The following RSRP1 variants were observed in gnomAD, a reference collection of about 807,000 sequenced individuals.
The protein encoded by RSRP1 is arginine and serine rich protein 1.
Under a neutral mutation model 33.0 loss-of-function variants are expected in RSRP1, and 37 were observed. That is an observed-to-expected ratio of 1.12 (90% CI 0.86 to 1.48). The LOEUF (loss-of-function observed/expected upper bound fraction) is 1.48, where lower values mean the gene tolerates loss of function less well. RSRP1 is among the 40% of genes most tolerant of loss of function. RSRP1 has a pLI of 0.00. For missense variants in RSRP1, 402 were observed against 385.3 expected (o/e 1.04, Z -0.36); for synonymous variants, 167 against 158.7 (o/e 1.05, Z -0.40).
chr1:25,312,712 T>C (rs1644211891), intron 1 of RSRP1, among the ~76,000 whole-genome samples: 1 of 125,892 alleles, frequency 7.9e-6, no homozygotes. Context: ...GTCGTGCCAC[T>C]GCATTCCAGC....
rs1196837034 is a variant in RSRP1, at chr1:25,314,674, A to T, written c.-67+23304T>A. Among the ~76,000 whole-genome samples, 3 of 130,722 alleles carry T rather than the reference A, an allele frequency of 2.3e-5. 1 individual carries two copies. Among genetic ancestry groups the T allele is most frequent in the Non-Finnish European group, 5.4e-5 (3 of 55,094 alleles). 85.8% of individuals were successfully genotyped at this position (130,722 alleles called of 152,430 possible). On this transcript the variant is annotated intron_variant, in intron 1 of 1. Transcript: ENST00000561867. ...ATGCCCAGCTAACTTCTGTATAGAC[A>T]AAATAATTTTTGGTAGAGACAGGGT...
rs192543340 is a variant in RSRP1 at position 25,274,639 on chromosome 1, G to T, written c.-66-27610C>A. 1.1e-3 allele frequency among the ~76,000 whole-genome samples: 151 copies of T among 133,414 alleles called. 23 individuals are homozygous for T. Among genetic ancestry groups the T allele is most frequent in the African/African-American group, 3.3e-3 (131 of 39,178 alleles). 87.5% of individuals were successfully genotyped at this position (133,414 alleles called of 152,430 possible). A position where few individuals can be genotyped will look rare whatever the true frequency, so the allele number is the denominator to read the frequency against. On this transcript the variant is annotated intron_variant, in intron 1 of 1. Coordinates refer to the RSRP1 transcript ENST00000561867. ...AGGGTCATCCAAGTGAGGGCACAGT[G>T]GGTGCCATGGCGTGCACACACAATA...
rs781312885 is a variant in RSRP1, at chr1:25,270,049, C to T, written c.-66-23020G>A. Among the ~76,000 whole-genome samples the T allele has an allele frequency of 3.4e-4, 45 of 131,932 alleles. 9 individuals are homozygous for T. The highest frequency in any genetic ancestry group is 1.8e-4 in the Non-Finnish European group (10 of 55,680). 86.6% of individuals were successfully genotyped at this position (131,932 alleles called of 152,430 possible). ...CCTGGTTTACAGAGCTTGTACTGGG[C>T]CCAGGTTAGCAGAGGTCACATCCAT... is the stretch of plus-strand genomic sequence containing the variant. On this transcript the variant is annotated intron_variant, in intron 1 of 1. Transcript: ENST00000561867.
intron 1 of RSRP1, among the ~76,000 whole-genome samples, chr1:25,259,601 C>G: frequency 6.6e-6 from 1 of 152,048 alleles, no homozygotes; most frequent in East Asian, 1.9e-4. Context: ...CTCCCAGGTT[C>G]AAGTGATTCT....
In RSRP1 at chr1:25,246,934, C is replaced by G. The variant is rs775469720; in HGVS notation, c.30G>C (p.Pro10=). The G allele has an allele frequency of 1.9e-6, 3 of 1,590,442 alleles. No homozygotes were observed. Among genetic ancestry groups the G allele is most frequent in the Non-Finnish European group, 2.6e-6 (3 of 1,165,198 alleles). Residue 10 remains proline (P), a synonymous_variant, in exon 2 of 5, where the codon CCG becomes CCC. Coordinates refer to ENST00000243189, the MANE Select transcript of RSRP1 (RefSeq NM_020317.5). ...GCGAATCCTTCTCCTGCGGCGAGCC[C>G]GGCCACATGTCGTTCACGTAGTTGG... MSNYVNDMW[P]GSPQEKDSPS...
chr1:25,297,978 C>T lies in RSRP1; in HGVS notation c.-67+40000G>A, dbSNP rs561473685. On this transcript the variant is annotated intron_variant, in intron 1 of 1. Coordinates refer to the RSRP1 transcript ENST00000561867. ...TCTTTTGGCTCTTATTCTCTCCGTA[C>T]ATCTAACATCTCTGTACACCAGCTT... Among the ~76,000 whole-genome samples the T allele has an allele frequency of 1.2e-3, 160 of 130,970 alleles. 29 individuals carry two copies. Among genetic ancestry groups the T allele is most frequent in the African/African-American group, 4.0e-3 (153 of 38,192 alleles). The allele number at this position is 130,970 out of a possible 152,430, so 85.9% of individuals were successfully genotyped here.
chr1:25,248,510 G>T (rs1391976223), upstream of RSRP1, among the ~76,000 whole-genome samples: 2 of 152,092 alleles, frequency 1.3e-5, no homozygotes, highest in African/African-American at 4.8e-5. Context: ...GGATCTAACT[G>T]TGTTGCCCAG....
rs1557541975 is a variant in RSRP1 at position 25,301,756 on chromosome 1, C to T, written c.-67+36222G>A. ...CTAGCACACATATTTATGCCCCTCCCCACCCCAGGGCCAGCGTGGGTTGGG... is the reference window on the plus strand; with the variant it reads ...CTAGCACACATATTTATGCCCCTCCTCACCCCAGGGCCAGCGTGGGTTGGG... On this transcript the variant is annotated intron_variant, in intron 1 of 1. Coordinates refer to the RSRP1 transcript ENST00000561867. 29 of 1,114,386 alleles carry T rather than the reference C, an allele frequency of 2.6e-5. 6 individuals carry two copies. The Middle Eastern group carries it at 8.9e-4, about 34-fold the overall frequency. 69.0% of individuals were successfully genotyped at this position (1,114,386 alleles called of 1,614,324 possible).
rs1372702086 is a variant in RSRP1, at chr1:25,330,702, C to G, written c.-67+7276G>C. Among the ~76,000 whole-genome samples the G allele has an allele frequency of 1.5e-5, 2 of 131,768 alleles. 1 individual carries two copies. Among genetic ancestry groups the G allele is most frequent in the Non-Finnish European group, 3.6e-5 (2 of 55,776 alleles). 86.4% of individuals were successfully genotyped at this position (131,768 alleles called of 152,430 possible). A position where few individuals can be genotyped will look rare whatever the true frequency, so the allele number is the denominator to read the frequency against. ...TCTTTCACATTCTAAGGTGGTTCCA[C>G]TCAGTGACTGAAATCCTTAAGCGTT... On this transcript the variant is annotated intron_variant, in intron 1 of 1. Transcript: ENST00000561867.
At chr1:25,262,157 A>G (rs1029110010) in intron 1 of RSRP1, among the ~76,000 whole-genome samples, 1 of 152,226 alleles carries the variant, frequency 6.6e-6, no homozygotes, top group African/African-American at 2.4e-5. Context: ...CCTGTTATTA[A>G]GTAATCTGTA....
rs112473736 is a variant in RSRP1, at chr1:25,290,554, A to AGAATGAATGAATGAAT, written c.-66-43541_-66-43526dup. The AGAATGAATGAATGAAT allele has an allele frequency of 2.6e-5, 29 of 1,099,950 alleles. 4 individuals are homozygous for AGAATGAATGAATGAAT. Among genetic ancestry groups the AGAATGAATGAATGAAT allele is most frequent in the African/African-American group, 1.9e-4 (12 of 63,624 alleles). The allele number at this position is 1,099,950 out of a possible 1,614,324, so 68.1% of individuals were successfully genotyped here. Reference sequence around the variant, plus strand: ...TAGGTGCCCAACAGTGTTTGTTGAAAGAATGAATGAATGAATGAATGAATG... The same window carrying AGAATGAATGAATGAAT: ...TAGGTGCCCAACAGTGTTTGTTGAAAGAATGAATGAATGAATGAATGAATGAATGAATGAATGAATG... On this transcript the variant is annotated intron_variant, in intron 1 of 1. Coordinates refer to the RSRP1 transcript ENST00000561867.
intron 1 of RSRP1, chr1:25,322,096 C>G (rs1480699749): frequency 2.0e-6 from 1 of 504,722 alleles, no homozygotes; most frequent in East Asian, 2.9e-5. Context: ...GCAGGAGGAA[C>G]TAGAGGAGAA....
chr1:25,244,851 T>G, intron 3 of RSRP1: 3 of 1,032,370 alleles, frequency 2.9e-6, no homozygotes, highest in Non-Finnish European at 2.5e-6. Flanking sequence ...GCCTGGCTAA[T>G]TTTTGTATTT....
Position 25,331,496 on chromosome 1 carries a change from C to T in RSRP1, c.-67+6482G>A, listed in dbSNP as rs1171797082. Among the ~76,000 whole-genome samples, 2 of 131,056 alleles carry T rather than the reference C, an allele frequency of 1.5e-5. 1 individual carries two copies. The highest frequency in any genetic ancestry group is 5.2e-5 in the African/African-American group (2 of 38,554). The allele number at this position is 131,056 out of a possible 152,430, so 86.0% of individuals were successfully genotyped here. A position where few individuals can be genotyped will look rare whatever the true frequency, so the allele number is the denominator to read the frequency against. ...CGTGATTACTGTCCTTATGCATAAA[C>T]GTCCTCAGTGTTCCACTGCGTTTAT... On this transcript the variant is annotated intron_variant, in intron 1 of 1. Coordinates refer to the RSRP1 transcript ENST00000561867.
At chr1:25,254,569 G>A (rs1447289412) in intron 1 of RSRP1, among the ~76,000 whole-genome samples, 2 of 152,126 alleles carry the variant, frequency 1.3e-5, no homozygotes, top group East Asian at 3.9e-4. Context: ...CTGAGTAGCT[G>A]GGATTATAGG....
intron 1 of RSRP1, among the ~76,000 whole-genome samples, chr1:25,282,532 G>A (rs1309978823): frequency 7.6e-6 from 1 of 132,334 alleles, no homozygotes; most frequent in African/African-American, 2.6e-5. Flanking sequence ...TCAACTGGTG[G>A]CAATTTAGTG....
rs539788947 is a variant in RSRP1, at chr1:25,306,264, C to T, written c.-67+31714G>A. ...CCTACAGTACACAGGGCAGCCCCCA[C>T]CACAAGGAATTATCAGCTGAAATTG... On this transcript the variant is annotated intron_variant, in intron 1 of 1. Transcript: ENST00000561867. Among the ~76,000 whole-genome samples the T allele has an allele frequency of 3.6e-4, 47 of 131,746 alleles. 9 individuals carry two copies. The highest frequency in any genetic ancestry group is 9.1e-4 in the African/African-American group (35 of 38,312). The allele number at this position is 131,746 out of a possible 152,430, so 86.4% of individuals were successfully genotyped here.
At chr1:25,331,882 G>A (rs1645018109) in intron 1 of RSRP1, among the ~76,000 whole-genome samples, 2 of 127,258 alleles carry the variant, frequency 1.6e-5, no homozygotes, top group South Asian at 2.4e-4. Context: ...TGGGACTACA[G>A]GCGCCCGCCA....
chr1:25,333,559 T>C (rs1444589235), intron 1 of RSRP1, among the ~76,000 whole-genome samples: 1 of 129,516 alleles, frequency 7.7e-6, no homozygotes, highest in East Asian at 1.9e-4. Flanking sequence ...GGATAAGTGA[T>C]CTAACTCCTG....
Sources: allele counts gnomAD v4.1 joint callset (sites outside exome capture counted in the v4.1 genomes callset), GRCh38; gene constraint gnomAD v4.1.1; transcripts MANE v1.5; gene names NCBI Gene and HGNC (gene_info 2026-07-23, HGNC 2026-07-21).